GALNT1: variants seen among roughly 807,000 people sequenced by gnomAD.
GALNT1 encodes polypeptide N-acetylgalactosaminyltransferase 1.
In GALNT1, 17 loss-of-function variants were observed where a neutral mutation model predicts 65.7. The ratio of observed to expected loss-of-function variants is 0.26; its 90% CI spans 0.18 to 0.39. The LOEUF is 0.39. Ranked by LOEUF, GALNT1 falls within the 10% of genes least tolerant of loss-of-function variation. The pLI is 1.00. For missense variants in GALNT1, 460 were observed against 672.8 expected (o/e 0.68, Z 3.50); for synonymous variants, 210 against 219.7 (o/e 0.96, Z 0.39).
intron 1 of GALNT1, among the ~76,000 whole-genome samples, chr18:35,593,772 G>A (rs1307800309): frequency 2.0e-5 from 3 of 151,930 alleles, no homozygotes; most frequent in Non-Finnish European, 2.9e-5. Flanking sequence ...ACAGTGGCGC[G>A]ATCTGGGCTC....
chr18:35,686,521 A>G (rs570676040), intron 5 of GALNT1, among the ~76,000 whole-genome samples: 4 of 152,354 alleles, frequency 2.6e-5, no homozygotes, highest in Admixed American at 1.3e-4. Flanking sequence ...GACTAGTGAA[A>G]CAGGGTAGGG....
chr18:35,668,072 T>G (rs1459988247), intron 3 of GALNT1, among the ~76,000 whole-genome samples: 1 of 152,206 alleles, frequency 6.6e-6, no homozygotes, highest in Non-Finnish European at 1.5e-5. Flanking sequence ...GGTGATAATA[T>G]ATACCTTTAA....
chr18:35,692,333 T>C lies in GALNT1; in HGVS notation c.1299+13T>C, dbSNP rs763339454. The stretch of plus-strand genomic sequence containing the variant: ...CTCATTGGGAGAGGTAAGAAATATA[T>C]ATATATATATTCTATGTGGTTATTA... On this transcript the variant is annotated intron_variant, in intron 9 of 11. Coordinates refer to ENST00000269195, the MANE Select transcript of GALNT1 (RefSeq NM_020474.4). 1.3e-5 allele frequency: 19 copies of C among 1,462,080 alleles called. No homozygotes were observed. The highest frequency in any genetic ancestry group is 1.8e-5 in the Non-Finnish European group (19 of 1,077,838). The allele number at this position is 1,462,080 out of a possible 1,614,324, so 90.6% of individuals were successfully genotyped here.
intron 11 of GALNT1, among the ~76,000 whole-genome samples, chr18:35,707,884 C>T (rs1017854169): frequency 6.6e-6 from 1 of 152,242 alleles, no homozygotes; most frequent in African/African-American, 2.4e-5. Flanking sequence ...TGAGCCGCAG[C>T]GCTCTGGCTG....
At chr18:35,650,280 G>A (rs2047293514) in intron 1 of GALNT1, among the ~76,000 whole-genome samples, 1 of 152,156 alleles carries the variant, frequency 6.6e-6, no homozygotes, top group African/African-American at 2.4e-5. Context: ...TTTCCAAAAG[G>A]GGAGGGAGTG....
At position 35,692,198 on chromosome 18, in the gene GALNT1, T is replaced by G; in HGVS notation, c.1177T>G (p.Tyr393Asp). 6.2e-7 allele frequency: 1 copy of G among 1,608,940 alleles called. No individual in the cohort carries two copies. The highest frequency in any genetic ancestry group is 8.5e-7 in the Non-Finnish European group (1 of 1,177,536). ...IISPGVTKVD[Y>D]GDISSRVGLR... is the part of the protein sequence containing the mutation. ...TTCAACAGGTGTTACAAAGGTAGATTATGGAGATATATCGTCAAGAGTTGG... is the reference window on the plus strand; with the variant it reads ...TTCAACAGGTGTTACAAAGGTAGATGATGGAGATATATCGTCAAGAGTTGG... Residue 393 changes from tyrosine (Y) to aspartate (D), a missense_variant, in exon 9 of 12, where the codon TAT becomes GAT. Transcript: ENST00000269195.
At chr18:35,633,835 C>T (rs548155239) in intron 1 of GALNT1, among the ~76,000 whole-genome samples, 1 of 152,290 alleles carries the variant, frequency 6.6e-6, no homozygotes, top group East Asian at 1.9e-4. Flanking sequence ...ACACTCACTT[C>T]TGATTAGGGA....
intron 1 of GALNT1, among the ~76,000 whole-genome samples, chr18:35,635,257 A>C (rs1234384281): frequency 6.6e-6 from 1 of 152,190 alleles, no homozygotes; most frequent in Non-Finnish European, 1.5e-5. Flanking sequence ...CTAGCCAGAG[A>C]AGCACACAAG....
In GALNT1 at chr18:35,683,298, G is replaced by A. The variant is rs529984477; in HGVS notation, c.482-93G>A. ...GCCTCACTGAGAGTGTTCAGTAAGG[G>A]TATGTTGAATAAATTTTCCAAATCA... On this transcript the variant is annotated intron_variant, in intron 4 of 11. Coordinates refer to ENST00000269195, the MANE Select transcript of GALNT1 (RefSeq NM_020474.4). 1.1e-4 allele frequency: 103 copies of A among 924,216 alleles called. No homozygotes were observed. In the African/African-American group the frequency reaches 1.4e-3, roughly 12 times the overall value. The allele number at this position is 924,216 out of a possible 1,614,324, so 57.3% of individuals were successfully genotyped here. A position where few individuals can be genotyped will look rare whatever the true frequency, so the allele number is the denominator to read the frequency against.
intron 2 of GALNT1, among the ~76,000 whole-genome samples, chr18:35,659,176 G>T (rs867924012): frequency 6.6e-6 from 1 of 152,058 alleles, no homozygotes; most frequent in Non-Finnish European, 1.5e-5. Context: ...CTCTGATTTC[G>T]GTGAAATTTA....
At chr18:35,648,863 C>T (rs780059723) in intron 1 of GALNT1, among the ~76,000 whole-genome samples, 2 of 152,172 alleles carry the variant, frequency 1.3e-5, no homozygotes, top group Non-Finnish European at 2.9e-5. Context: ...TTCATTGCCA[C>T]AGATTCATTT....
chr18:35,666,938 CT>C (rs199769405), intron 3 of GALNT1, among the ~76,000 whole-genome samples: 1,901 of 151,392 alleles, frequency 0.013, 49 homozygotes, highest in African/African-American at 0.043. Flanking sequence ...GACTGATAAC[CT>C]TTTTTAAAAA....
intron 1 of GALNT1, chr18:35,596,513 A>G (rs1230245745): frequency 2.6e-5 from 4 of 152,250 alleles, no homozygotes; most frequent in Non-Finnish European, 5.9e-5. Flanking sequence ...GGGGAAGGGC[A>G]TAGAAACTTG....
chr18:35,586,020 G>C (rs1349970238), intron 1 of GALNT1, among the ~76,000 whole-genome samples: 1 of 152,168 alleles, frequency 6.6e-6, no homozygotes, highest in Non-Finnish European at 1.5e-5. Flanking sequence ...GCAGTTGCAT[G>C]TTTAGTTTTT....
At chr18:35,618,740 TG>T (rs199506237) in intron 1 of GALNT1, among the ~76,000 whole-genome samples, 2,600 of 152,304 alleles carry the variant, frequency 0.017, 42 homozygotes, top group Non-Finnish European at 0.024. Context: ...TGTTTTTGTT[TG>T]TTTGTTTGTT....
At position 35,683,491 on chromosome 18, in the gene GALNT1, A is replaced by G; in HGVS notation, c.582A>G (p.Leu194=). The G allele has an allele frequency of 6.2e-7, 1 of 1,613,838 alleles. No homozygotes were observed. Among genetic ancestry groups the G allele is most frequent in the South Asian group, 1.1e-5 (1 of 91,064 alleles). Residue 194 remains leucine, a synonymous_variant, in exon 5 of 12, where the codon TTA becomes TTG. Coordinates refer to ENST00000269195, the MANE Select transcript of GALNT1 (RefSeq NM_020474.4). The part of the protein sequence containing the change: ...EQRSGLIRAR[L]KGAAVSKGQV... ...GTTCTGGATTGATCAGAGCTAGATT[A>G]AAAGGAGCTGCTGTGTCTAAAGGCC...
chr18:35,628,890 A>G (rs908544364), intron 1 of GALNT1, among the ~76,000 whole-genome samples: 1 of 152,254 alleles, frequency 6.6e-6, no homozygotes, highest in Non-Finnish European at 1.5e-5. Context: ...ATGGAGCTGA[A>G]AACCACAGCA....
chr18:35,656,152 T>C (rs1447191335), intron 2 of GALNT1, among the ~76,000 whole-genome samples: 1 of 152,222 alleles, frequency 6.6e-6, no homozygotes, highest in Non-Finnish European at 1.5e-5. Flanking sequence ...TGGAATAAAT[T>C]TCCCCTCACC....
chr18:35,583,885 C>T (rs2046351683), intron 1 of GALNT1, among the ~76,000 whole-genome samples: 1 of 152,198 alleles, frequency 6.6e-6, no homozygotes, highest in East Asian at 1.9e-4. Context: ...CTTGCATGCC[C>T]TATCCCTCTT....
Sources: gnomAD v4.1 joint callset for allele counts (sites outside exome capture counted in the v4.1 genomes callset) on GRCh38, gnomAD v4.1.1 for gene constraint, MANE v1.5 for transcripts, NCBI Gene and HGNC (gene_info 2026-07-23, HGNC 2026-07-21) for gene names.